The following CLEC2A variants were observed in gnomAD, a reference collection of about 807,000 sequenced individuals.
The protein encoded by CLEC2A is C-type lectin domain family 2 member A, also known as keratinocyte-associated C-type lectin.
In CLEC2A, 19 loss-of-function variants were observed where a neutral mutation model predicts 18.6. The observed-to-expected ratio is 1.02, with a 90% CI of 0.71 to 1.50. The LOEUF (loss-of-function observed/expected upper bound fraction) is 1.50. Ranked by LOEUF, CLEC2A falls within the 40% of genes most tolerant of loss-of-function variation. The pLI is 0.00. For missense variants in CLEC2A, 190 were observed against 207.9 expected (o/e 0.91, Z 0.53); for synonymous variants, 74 against 64.0 (o/e 1.16, Z -0.75).
chr12:9,916,828 C>T (rs1394171778), intron 3 of CLEC2A, 25 bp from the exon 4 acceptor site: 5 of 1,376,058 alleles, frequency 3.6e-6, no homozygotes, highest in African/African-American at 1.4e-5. Flanking sequence ...AGGGAATCAG[C>T]GATTACTTAA....
At chr12:9,908,037 G>C (rs1168326541) in intron 4 of CLEC2A, among the ~76,000 whole-genome samples, 1 of 152,150 alleles carries the variant, frequency 6.6e-6, no homozygotes, top group Non-Finnish European at 1.5e-5. Flanking sequence ...AGGCAGTATT[G>C]GGGTGTTAAA....
downstream of CLEC2A, among the ~76,000 whole-genome samples, chr12:9,910,421 G>C (rs1342190947): frequency 6.6e-6 from 1 of 152,140 alleles, no homozygotes; most frequent in Admixed American, 6.5e-5. Flanking sequence ...TTCTGGGTGT[G>C]TGGGGGCTCA....
At chr12:9,899,742 C>T (rs1862800486) in intron 4 of CLEC2A, among the ~76,000 whole-genome samples, 1 of 152,176 alleles carries the variant, frequency 6.6e-6, no homozygotes, top group Admixed American at 6.5e-5. Context: ...TTCCCTAGAC[C>T]TCATTTATGC....
At chr12:9,909,908 G>A (rs1010607871), downstream of CLEC2A, among the ~76,000 whole-genome samples, 1 of 151,976 alleles carries the variant, frequency 6.6e-6, no homozygotes, top group African/African-American at 2.4e-5. Flanking sequence ...ATGGTCTAGG[G>A]GATCCCATGT....
In CLEC2A at chr12:9,932,259, A is replaced by G; in HGVS notation, c.55+16T>C. On this transcript the variant is annotated intron_variant, in intron 1 of 4. Coordinates refer to ENST00000455827, the MANE Select transcript of CLEC2A (RefSeq NM_001130711.2). The stretch of plus-strand genomic sequence containing the variant: ...TCTTTCCTTTACTTCCTTCTCATTC[A>G]CTCTATAAAACTTACCTATCCGATG... 6.6e-7 allele frequency: 1 copy of G among 1,518,492 alleles called. No individual in the cohort carries two copies. Among genetic ancestry groups the G allele is most frequent in the Non-Finnish European group, 9.0e-7 (1 of 1,117,074 alleles). The allele number at this position is 1,518,492 out of a possible 1,614,324, so 94.1% of individuals were successfully genotyped here. A position where few individuals can be genotyped will look rare whatever the true frequency, so the allele number is the denominator to read the frequency against.
chr12:9,888,968 T>C, the CLEC2A span, among the ~76,000 whole-genome samples: 194 of 152,244 alleles, frequency 1.3e-3, 1 homozygote, highest in African/African-American at 4.2e-3. Flanking sequence ...GGCAGGACAA[T>C]TGTGGTGATT....
At chr12:9,901,260 C>A (rs1178959675) in intron 4 of CLEC2A, among the ~76,000 whole-genome samples, 1 of 152,124 alleles carries the variant, frequency 6.6e-6, no homozygotes, top group African/African-American at 2.4e-5. Context: ...TATCAGAGAT[C>A]TGTATTTAAG....
intron 4 of CLEC2A, among the ~76,000 whole-genome samples, chr12:9,903,077 A>C (rs1862858189): frequency 6.6e-6 from 1 of 152,216 alleles, no homozygotes; most frequent in Non-Finnish European, 1.5e-5. Context: ...GGATAGAAGC[A>C]AGAGAGTACA....
intron 4 of CLEC2A, among the ~76,000 whole-genome samples, chr12:9,902,001 C>A (rs1305592339): frequency 2.0e-5 from 3 of 152,154 alleles, no homozygotes; most frequent in Non-Finnish European, 2.9e-5. Flanking sequence ...CTTCCTTGAA[C>A]CTTCAGCTTT....
the CLEC2A span, among the ~76,000 whole-genome samples, chr12:9,886,313 T>C: frequency 2.0e-5 from 3 of 152,094 alleles, no homozygotes; most frequent in Admixed American, 6.6e-5. Context: ...TATTTATATC[T>C]CCTCTCTCCC....
At chr12:9,917,345 T>C (rs1375887587) in intron 3 of CLEC2A, among the ~76,000 whole-genome samples, 4 of 152,208 alleles carry the variant, frequency 2.6e-5, no homozygotes. Flanking sequence ...CCAATAGTTA[T>C]ATCTGTCATA....
chr12:9,931,443 CAG>C lies in CLEC2A; in HGVS notation c.55+830_55+831del, dbSNP rs59789402. On this transcript the variant is annotated intron_variant, in intron 1 of 4. Coordinates refer to ENST00000455827, the MANE Select transcript of CLEC2A (RefSeq NM_001130711.2). ...AATTAAAATGGAAAGTCTTCTAAGA[CAG>C]AGAGATATTATCACTGAAAACATTC... Among the ~76,000 whole-genome samples the C allele has an allele frequency of 1.7e-3, 256 of 152,218 alleles. 2 individuals carry two copies. The highest frequency in any genetic ancestry group is 5.8e-3 in the African/African-American group (240 of 41,548).
At chr12:9,881,567 G>A in the CLEC2A span, 1 of 1,439,864 alleles carries the variant, frequency 6.9e-7, no homozygotes, top group Non-Finnish European at 9.4e-7. Context: ...ACTATTTTCT[G>A]GATAATAAGA....
At position 9,922,124 on chromosome 12, in the gene CLEC2A, T is replaced by G. The variant is rs1280966794; in HGVS notation, c.248A>C (p.Lys83Thr). 6.4e-7 allele frequency: 1 copy of G among 1,551,196 alleles called. No homozygotes were observed. Among genetic ancestry groups the G allele is most frequent in the African/African-American group, 1.4e-5 (1 of 73,028 alleles). The change falls in exon 3 of 5, where the codon AAA becomes ACA. Residue 83 changes from lysine (K) to threonine (T), a missense_variant. Coordinates refer to ENST00000455827, the MANE Select transcript of CLEC2A (RefSeq NM_001130711.2). Reference protein sequence around the residue: ...SDDTRNWTASKIFCSLQKAEL... With the variant: ...SDDTRNWTASTIFCSLQKAEL... ...TGCTTTCTGCAAACTACAAAATATT[T>G]TACTGGCTGTCCAATTTCTGGTATC...
downstream of CLEC2A, among the ~76,000 whole-genome samples, chr12:9,894,122 T>TTTTTTCTCTC (rs775130804): frequency 1.0e-5 from 1 of 96,136 alleles, no homozygotes; most frequent in African/African-American, 4.5e-5. Context: ...TTTCTTTCTT[T>TTTTTTCTCTC]TCTTTCTCTC....
At chr12:9,931,325 G>A (rs973508644) in intron 1 of CLEC2A, among the ~76,000 whole-genome samples, 3 of 152,116 alleles carry the variant, frequency 2.0e-5, no homozygotes, top group African/African-American at 7.2e-5. Context: ...AGTTTTCATA[G>A]ATCAAGAGTT....
rs908588174 is a variant in CLEC2A at position 9,904,249 on chromosome 12, G to A, written c.411-5273C>T. On this transcript the variant is annotated intron_variant, in intron 4 of 4. Transcript: ENST00000339766. ...GCTGGACTTTGGGGAATAGCAGAGA[G>A]AGAGCTCCGCATGATTCATGACCCC... is the stretch of plus-strand genomic sequence containing the variant. Among the ~76,000 whole-genome samples, 6 of 152,342 alleles carry A rather than the reference G, an allele frequency of 3.9e-5. No individual in the cohort carries two copies. In the East Asian group the frequency reaches 9.7e-4, roughly 25 times the overall value.
At chr12:9,897,321 C>T (rs1366850255), downstream of CLEC2A, among the ~76,000 whole-genome samples, 1 of 152,044 alleles carries the variant, frequency 6.6e-6, no homozygotes, top group Non-Finnish European at 1.5e-5. Flanking sequence ...AACTAGCATG[C>T]TATTCTCTGT....
the CLEC2A span, among the ~76,000 whole-genome samples, chr12:9,886,786 A>T: frequency 6.9e-6 from 1 of 144,410 alleles, no homozygotes; most frequent in Admixed American, 6.9e-5. Flanking sequence ...AAAAAAAGAG[A>T]GAAGAACTCT....
Sources: gnomAD v4.1 joint callset for allele counts (sites outside exome capture counted in the v4.1 genomes callset) on GRCh38, gnomAD v4.1.1 for gene constraint, MANE v1.5 for transcripts, NCBI Gene and HGNC (gene_info 2026-07-23, HGNC 2026-07-21) for gene names.